The following SEC24A variants were observed in gnomAD, a reference collection of about 807,000 sequenced individuals.
The protein encoded by SEC24A is protein transport protein Sec24A.
In SEC24A, 93 loss-of-function variants were observed where a neutral mutation model predicts 129.4. That is an observed-to-expected ratio of 0.72 (90% CI 0.61 to 0.85). The LOEUF (loss-of-function observed/expected upper bound fraction) is 0.85, where lower values mean the gene tolerates loss of function less well. Among genes scored for constraint, SEC24A ranks in the 40% least tolerant of loss-of-function variants. The pLI is 0.00. For synonymous variants in SEC24A, 460 were observed against 467.3 expected (o/e 0.98, Z 0.20); for missense variants, 1,264 against 1,307.4 (o/e 0.97, Z 0.51).
At chr5:134,658,439 CT>C (rs1450201111) in intron 1 of SEC24A, among the ~76,000 whole-genome samples, 2 of 152,150 alleles carry the variant, frequency 1.3e-5, no homozygotes, top group African/African-American at 4.8e-5. Context: ...CACGTTCTCA[CT>C]CTGTAGCCCA....
At chr5:134,714,907 A>T (rs1752432841) in intron 18 of SEC24A, 117 bp from the exon 19 acceptor site, 2 of 1,015,734 alleles carry the variant, frequency 2.0e-6, no homozygotes. Flanking sequence ...TAAAAAAATT[A>T]ACAGTAAATT....
chr5:134,715,204 A>G, intron 19 of SEC24A, 43 bp downstream of exon 19: 2 of 1,521,618 alleles, frequency 1.3e-6, no homozygotes, highest in Non-Finnish European at 1.8e-6. Flanking sequence ...GAAGATTAGT[A>G]AGCCTAATCA....
At chr5:134,667,148 TC>T (rs1173862587) in intron 3 of SEC24A, 152 bp downstream of exon 3, 2 of 586,686 alleles carry the variant, frequency 3.4e-6, no homozygotes, top group Non-Finnish European at 5.5e-6. Context: ...AATTTAAAGT[TC>T]CTCAGGAATT....
intron 12 of SEC24A, 97 bp downstream of exon 12, chr5:134,692,754 C>T (rs892047725): frequency 1.9e-5 from 16 of 834,400 alleles, no homozygotes; most frequent in Admixed American, 1.7e-4. Context: ...ATTTCTGTGA[C>T]ATTTCTAAGA....
chr5:134,701,615 A>G (rs559698234), intron 15 of SEC24A, among the ~76,000 whole-genome samples: 2 of 151,128 alleles, frequency 1.3e-5, no homozygotes, highest in South Asian at 2.1e-4. Context: ...GGGTCCAGTG[A>G]TTCTCCTGCC....
intron 2 of SEC24A, among the ~76,000 whole-genome samples, chr5:134,663,121 G>C (rs1750530816): frequency 6.6e-6 from 1 of 152,064 alleles, no homozygotes; most frequent in Non-Finnish European, 1.5e-5. Context: ...CTGTCTCTCT[G>C]TTTCCCAAGC....
At chr5:134,720,188 C>T (rs1440541581) in intron 20 of SEC24A, among the ~76,000 whole-genome samples, 1 of 152,194 alleles carries the variant, frequency 6.6e-6, no homozygotes, top group Non-Finnish European at 1.5e-5. Flanking sequence ...CTTGTGCACT[C>T]CATTCGTGGT....
intron 11 of SEC24A, among the ~76,000 whole-genome samples, chr5:134,690,789 C>T (rs892385322): frequency 7.9e-5 from 12 of 152,194 alleles, no homozygotes; most frequent in Middle Eastern, 3.4e-3. Context: ...GGTAGCATAC[C>T]TTCTGATTCA....
chr5:134,694,833 AAAG>A (rs1751770240), intron 13 of SEC24A, among the ~76,000 whole-genome samples: 2 of 151,940 alleles, frequency 1.3e-5, no homozygotes, highest in South Asian at 4.2e-4. Context: ...AAAAAAAAAA[AAAG>A]AAAAGAAAAA....
At chr5:134,667,520 AAGCGACTGTAGTAGTCAC>A (rs1271842681) in intron 3 of SEC24A, among the ~76,000 whole-genome samples, 1 of 151,830 alleles carries the variant, frequency 6.6e-6, no homozygotes, top group African/African-American at 2.4e-5. Context: ...GCGTGGTGGC[AAGCGACTGTAGTAGTCAC>A]AGCTACTCTG....
chr5:134,665,888 C>T (rs1750643398), intron 2 of SEC24A, among the ~76,000 whole-genome samples: 1 of 151,852 alleles, frequency 6.6e-6, no homozygotes, highest in Non-Finnish European at 1.5e-5. Flanking sequence ...ACAAAATTAA[C>T]AAAATATTAC....
At chr5:134,684,586 G>A (rs752984061) in intron 9 of SEC24A, among the ~76,000 whole-genome samples, 19 of 151,838 alleles carry the variant, frequency 1.3e-4, no homozygotes, top group South Asian at 6.2e-4. Flanking sequence ...GGTGACATAC[G>A]CCTGTAATCC....
At chr5:134,711,649 G>T (rs2150109399) in intron 18 of SEC24A, among the ~76,000 whole-genome samples, 1 of 139,480 alleles carries the variant, frequency 7.2e-6, no homozygotes, top group Middle Eastern at 4.3e-3. Context: ...TACGACCTCA[G>T]CCTCCTGAGT....
chr5:134,664,938 A>G (rs1750605975), intron 2 of SEC24A, among the ~76,000 whole-genome samples: 1 of 150,836 alleles, frequency 6.6e-6, no homozygotes, highest in South Asian at 2.1e-4. Flanking sequence ...AGCTGGGATT[A>G]CAGGCATGCG....
In SEC24A at chr5:134,693,835, A is replaced by C. The variant is rs368117086; in HGVS notation, c.1888A>C (p.Thr630Pro). 7 of 1,614,056 alleles carry C rather than the reference A, an allele frequency of 4.3e-6. No individual in the cohort carries two copies. Among genetic ancestry groups the C allele is most frequent in the Admixed American group, 1.7e-5 (1 of 59,988 alleles). Residue 630 changes from threonine to proline, a missense_variant, in exon 13 of 23, where the codon ACT becomes CCT. Transcript: ENST00000398844. ...GGCTGCCTTTAAGCTGATGTCTCCA[A>C]CTGGTGGTCGAATGTCTGTCTTTCA... is the stretch of plus-strand genomic sequence containing the variant. ...LQAAFKLMSP[T>P]GGRMSVFQTQ...
At chr5:134,671,766 TAATC>T (rs761286238) in intron 3 of SEC24A, 39 bp from the exon 4 acceptor site, 3 of 1,170,912 alleles carry the variant, frequency 2.6e-6, no homozygotes, top group African/African-American at 1.6e-5. Context: ...GAGATTGTAA[TAATC>T]ATTCTAATTA....
intron 1 of SEC24A, among the ~76,000 whole-genome samples, chr5:134,655,390 C>T (rs1247964692): frequency 2.6e-5 from 4 of 152,250 alleles, no homozygotes; most frequent in East Asian, 3.9e-4. Flanking sequence ...GTGGCTCATG[C>T]CTGTAATCCC....
intron 11 of SEC24A, among the ~76,000 whole-genome samples, chr5:134,688,620 A>G (rs1479977468): frequency 6.6e-6 from 1 of 152,178 alleles, no homozygotes; most frequent in Non-Finnish European, 1.5e-5. Context: ...GAGCAAGGAA[A>G]TAGAATTGAG....
In SEC24A at chr5:134,705,319, C is replaced by T. The variant is rs771588692; in HGVS notation, c.2441-8C>T. 2.7e-5 allele frequency: 43 copies of T among 1,602,776 alleles called. No individual in the cohort carries two copies. The highest frequency in any genetic ancestry group is 3.5e-5 in the Non-Finnish European group (41 of 1,170,534). ...CCCCTCACTGTTGTTTGTGTATTTT[C>T]CCCAAAGGCGAAAGAAGAATTCGTG... On this transcript the variant is annotated splice_region_variant and splice_polypyrimidine_tract_variant and intron_variant, in intron 16 of 22. Transcript: ENST00000398844.
Sources: gnomAD v4.1 joint callset for allele counts (sites outside exome capture counted in the v4.1 genomes callset) on GRCh38, gnomAD v4.1.1 for gene constraint, MANE v1.5 for transcripts, NCBI Gene and HGNC (gene_info 2026-07-23, HGNC 2026-07-21) for gene names.